Variants in RAD51B observed in about 807,000 individuals in gnomAD.
RAD51B encodes the protein DNA repair protein RAD51 homolog 2.
A neutral mutation model predicts 42.2 loss-of-function variants in RAD51B; 38 were observed. The ratio of observed to expected loss-of-function variants is 0.90; its 90% CI spans 0.70 to 1.18. RAD51B has a LOEUF of 1.18. Ranked by LOEUF, RAD51B falls within the 50% of genes most tolerant of loss-of-function variation. The probability of loss-of-function intolerance (pLI) is 0.00; values close to 1 mark genes in which losing one functional copy is unlikely to be tolerated. For synonymous variants in RAD51B, 154 were observed against 145.2 expected (o/e 1.06, Z -0.43); for missense variants, 373 against 400.7 (o/e 0.93, Z 0.59).
At chr14:68,410,023 T>C (rs1465584325) in intron 8 of RAD51B, among the ~76,000 whole-genome samples, 1 of 152,174 alleles carries the variant, frequency 6.6e-6, no homozygotes, top group Non-Finnish European at 1.5e-5. Context: ...AATAGATATA[T>C]ATGGTTGGTG....
rs183211924 is a variant in RAD51B at position 68,157,219 on chromosome 14, A to G, written c.757-134665A>G. 2.6e-5 allele frequency among the ~76,000 whole-genome samples: 4 copies of G among 152,196 alleles called. No individual in the cohort carries two copies. The East Asian group carries it at 7.7e-4, about 29-fold the overall frequency. ...CTCAAAAACAAAATAAGCAAAAGGG[A>G]CTTACTTTGGGGATTTGGAGAACTA... On this transcript the variant is annotated intron_variant, in intron 7 of 10. Transcript: ENST00000471583.
At chr14:67,848,961 G>T (rs10142929) in intron 4 of RAD51B, among the ~76,000 whole-genome samples, 9,750 of 152,230 alleles carry the variant, frequency 0.064, 696 homozygotes, top group African/African-American at 0.18. Context: ...GTGCTAGCCT[G>T]ATGGGGTTCC....
chr14:67,940,219 G>A (rs908807502), intron 7 of RAD51B, among the ~76,000 whole-genome samples: 22 of 149,882 alleles, frequency 1.5e-4, no homozygotes, highest in African/African-American at 5.4e-4. Context: ...GATCACAGGT[G>A]CCTGCCACTG....
intron 7 of RAD51B, among the ~76,000 whole-genome samples, chr14:68,143,782 T>A (rs1450972844): frequency 6.6e-6 from 1 of 152,134 alleles, no homozygotes; most frequent in Non-Finnish European, 1.5e-5. Context: ...CGCAGGGTGG[T>A]TGGCATTGGT....
intron 10 of RAD51B, among the ~76,000 whole-genome samples, chr14:68,566,582 T>C (rs886695075): frequency 6.6e-6 from 1 of 152,210 alleles, no homozygotes; most frequent in Non-Finnish European, 1.5e-5. Context: ...CACTGCCAGA[T>C]TGACCACTGT....
At chr14:67,842,010 A>G (rs572467957) in intron 4 of RAD51B, among the ~76,000 whole-genome samples, 1 of 152,326 alleles carries the variant, frequency 6.6e-6, no homozygotes, top group Non-Finnish European at 1.5e-5. Context: ...TGATTCTTCA[A>G]ATCCATGAGT....
At chr14:68,516,260 AAATT>A (rs1329531491) in intron 10 of RAD51B, among the ~76,000 whole-genome samples, 47 of 152,276 alleles carry the variant, frequency 3.1e-4, no homozygotes, top group African/African-American at 1.1e-3. Flanking sequence ...GTTAATGAAT[AAATT>A]AACATTTAGT....
chr14:67,921,503 C>A (rs1198869816), intron 7 of RAD51B, among the ~76,000 whole-genome samples: 1 of 151,228 alleles, frequency 6.6e-6, no homozygotes, highest in East Asian at 1.9e-4. Flanking sequence ...TTTCCTTTGG[C>A]ATGTATTAAT....
At chr14:67,870,161 AC>A (rs1197184105) in intron 5 of RAD51B, among the ~76,000 whole-genome samples, 1 of 150,614 alleles carries the variant, frequency 6.6e-6, no homozygotes, top group Non-Finnish European at 1.5e-5. Context: ...AAGAGTCAAG[AC>A]CCATCAGTGT....
chr14:67,930,180 C>T (rs1350698480), intron 7 of RAD51B, among the ~76,000 whole-genome samples: 1 of 152,016 alleles, frequency 6.6e-6, no homozygotes, highest in African/African-American at 2.4e-5. Context: ...GAATTTAATC[C>T]ATTAATATTC....
chr14:68,681,805 A>G (rs1217053964), intron 11 of RAD51B, among the ~76,000 whole-genome samples: 2 of 152,210 alleles, frequency 1.3e-5, no homozygotes, highest in African/African-American at 4.8e-5. Context: ...CTTTGCATGA[A>G]GAAGCATTAG....
intron 7 of RAD51B, among the ~76,000 whole-genome samples, chr14:68,115,458 G>A (rs1315577491): frequency 6.3e-5 from 8 of 127,802 alleles, no homozygotes; most frequent in Non-Finnish European, 8.2e-5. Context: ...TGACGAGTTA[G>A]TGGGTGCAGC....
At chr14:68,155,540 T>G (rs970129801) in intron 7 of RAD51B, among the ~76,000 whole-genome samples, 1 of 152,152 alleles carries the variant, frequency 6.6e-6, no homozygotes, top group African/African-American at 2.4e-5. Flanking sequence ...TGTTTTTACT[T>G]ATTTTGCTTT....
chr14:67,820,766 A>T (rs1240414191), intron 1 of RAD51B, among the ~76,000 whole-genome samples: 1 of 152,158 alleles, frequency 6.6e-6, no homozygotes, highest in Non-Finnish European at 1.5e-5. Flanking sequence ...AGAGTCATTA[A>T]ATGATGATTG....
chr14:68,276,734 G>A (rs1473629967), intron 7 of RAD51B, among the ~76,000 whole-genome samples: 1 of 152,178 alleles, frequency 6.6e-6, no homozygotes, highest in East Asian at 1.9e-4. Flanking sequence ...CAATTGGTAT[G>A]TCAGCAGGGG....
At chr14:67,839,546 CTTTGT>C (rs1370033352) in intron 4 of RAD51B, among the ~76,000 whole-genome samples, 1 of 151,768 alleles carries the variant, frequency 6.6e-6, no homozygotes, top group African/African-American at 2.4e-5. Context: ...ATATTACTTA[CTTTGT>C]TTTATTTCTC....
intron 9 of RAD51B, among the ~76,000 whole-genome samples, chr14:68,435,130 G>T (rs2085114664): frequency 6.6e-6 from 1 of 152,110 alleles, no homozygotes; most frequent in African/African-American, 2.4e-5. Context: ...CATCACCCGG[G>T]TAGTAAGCAT....
At chr14:68,549,551 G>A (rs1031433973) in intron 10 of RAD51B, among the ~76,000 whole-genome samples, 3 of 149,570 alleles carry the variant, frequency 2.0e-5, no homozygotes, top group Non-Finnish European at 4.5e-5. Context: ...GTGTAGCTGG[G>A]ACTACAGGCG....
chr14:68,370,816 G>C (rs767461708), intron 8 of RAD51B, among the ~76,000 whole-genome samples: 1 of 150,048 alleles, frequency 6.7e-6, no homozygotes, highest in Non-Finnish European at 1.5e-5. Context: ...AGGCTGAGGC[G>C]AGCAGATCAC....
Sources: gnomAD v4.1 joint callset for allele counts (sites outside exome capture counted in the v4.1 genomes callset) on GRCh38, gnomAD v4.1.1 for gene constraint, MANE v1.5 for transcripts, NCBI Gene and HGNC (gene_info 2026-07-23, HGNC 2026-07-21) for gene names.